MCU: variants seen among roughly 807,000 people sequenced by gnomAD.
MCU encodes mitochondrial calcium uniporter.
MCU carries 12 observed loss-of-function variants against 45.2 expected under a neutral mutation model. The ratio of observed to expected loss-of-function variants is 0.27; its 90% CI spans 0.17 to 0.43. The LOEUF is 0.43. MCU is among the 20% of genes least tolerant of loss of function. The pLI is 1.00. For synonymous variants in MCU, 160 were observed against 165.1 expected, an observed-to-expected ratio of 0.97 and a Z score of 0.24; for missense variants, 324 against 436.7, an observed-to-expected ratio of 0.74 and a Z score of 2.30.
At chr10:72,820,906 G>C (rs1435997141) in intron 1 of MCU, among the ~76,000 whole-genome samples, 1 of 150,684 alleles carries the variant, frequency 6.6e-6, no homozygotes, top group Non-Finnish European at 1.5e-5. Flanking sequence ...TTCCGTTTCT[G>C]TTGTTGGTTT....
intron 1 of MCU, among the ~76,000 whole-genome samples, chr10:72,699,294 C>T (rs917886786): frequency 2.0e-5 from 3 of 152,078 alleles, no homozygotes; most frequent in Admixed American, 6.5e-5. Flanking sequence ...ATCATGAGGT[C>T]AGGAGTTCGA....
intron 2 of MCU, among the ~76,000 whole-genome samples, chr10:72,845,323 T>C (rs1308428735): frequency 1.3e-5 from 2 of 152,146 alleles, no homozygotes; most frequent in African/African-American, 4.8e-5. Flanking sequence ...CATCAGAAAC[T>C]AAAAACATTG....
At chr10:72,726,021 C>A (rs1039109208) in intron 1 of MCU, among the ~76,000 whole-genome samples, 5 of 152,004 alleles carry the variant, frequency 3.3e-5, no homozygotes, top group African/African-American at 9.7e-5. Flanking sequence ...GTATATATAT[C>A]CTTCCATATT....
intron 1 of MCU, among the ~76,000 whole-genome samples, chr10:72,711,966 C>T (rs1469132519): frequency 6.6e-6 from 1 of 151,356 alleles, no homozygotes; most frequent in African/African-American, 2.4e-5. Flanking sequence ...CCTGCCTTGG[C>T]CCCCCAAAGT....
At chr10:72,779,273 A>G (rs1843951438) in intron 1 of MCU, among the ~76,000 whole-genome samples, 1 of 152,126 alleles carries the variant, frequency 6.6e-6, no homozygotes, top group African/African-American at 2.4e-5. Flanking sequence ...TGGCCTCAGA[A>G]GTATATTTTC....
At chr10:72,812,215 C>T (rs1384846758) in intron 1 of MCU, among the ~76,000 whole-genome samples, 3 of 150,866 alleles carry the variant, frequency 2.0e-5, no homozygotes, top group African/African-American at 4.9e-5. Flanking sequence ...GGTGTGATCT[C>T]GGCTCACTGC....
intron 1 of MCU, among the ~76,000 whole-genome samples, chr10:72,757,701 C>A (rs188147132): frequency 5.8e-4 from 88 of 152,048 alleles, no homozygotes; most frequent in Non-Finnish European, 1.0e-3. Flanking sequence ...AGTGTTTTTC[C>A]CCAACTAAAT....
At chr10:72,818,318 C>G (rs1844656429) in intron 1 of MCU, among the ~76,000 whole-genome samples, 1 of 152,170 alleles carries the variant, frequency 6.6e-6, no homozygotes, top group Middle Eastern at 3.2e-3. Context: ...CAGTGTTTTG[C>G]TAACTCACAT....
At chr10:72,776,075 G>A (rs946360351) in intron 1 of MCU, among the ~76,000 whole-genome samples, 1 of 152,016 alleles carries the variant, frequency 6.6e-6, no homozygotes, top group Admixed American at 6.6e-5. Context: ...GGCTAAGGTG[G>A]GAGGATTGCT....
chr10:72,777,750 T>G (rs1243852190), intron 1 of MCU, among the ~76,000 whole-genome samples: 1 of 152,144 alleles, frequency 6.6e-6, no homozygotes, highest in Non-Finnish European at 1.5e-5. Flanking sequence ...GTCAACCTAG[T>G]AAGGAGACAA....
At chr10:72,807,227 A>G (rs538269126) in intron 1 of MCU, among the ~76,000 whole-genome samples, 1 of 152,342 alleles carries the variant, frequency 6.6e-6, no homozygotes, top group African/African-American at 2.4e-5. Flanking sequence ...GAAGGGGGAA[A>G]GAAGATGCAT....
Position 72,735,116 on chromosome 10 carries a change from A to ATT in MCU, c.150+42826_150+42827dup, listed in dbSNP as rs11443574. On this transcript the variant is annotated intron_variant, in intron 1 of 7. Transcript: ENST00000373053. ...CGTCTGTGTTGTATCATGTATCAGA[A>ATT]TTTTTTTTTTTTGATAGCTGAGTAG... 1.9e-3 allele frequency among the ~76,000 whole-genome samples: 280 copies of ATT among 146,512 alleles called. 2 individuals carry two copies. Among genetic ancestry groups the ATT allele is most frequent in the Middle Eastern group, 3.5e-3 (1 of 286 alleles).
At position 72,886,075 on chromosome 10, in the gene MCU, C is replaced by T. The variant is rs1323069530; in HGVS notation, c.*253C>T. On this transcript the variant is annotated 3_prime_UTR_variant, in exon 8 of 8. Coordinates refer to ENST00000373053, the MANE Select transcript of MCU (RefSeq NM_138357.3). ...TCTCAGTTTCTGGATGAAAATGATG[C>T]AGTTATATAGTTGAGAGATTCATAA... 1 of 405,706 alleles carries T rather than the reference C, an allele frequency of 2.5e-6. No homozygotes were observed. Among genetic ancestry groups the T allele is most frequent in the African/African-American group, 2.0e-5 (1 of 48,802 alleles). The allele number at this position is 405,706 out of a possible 1,614,324, so 25.1% of individuals were successfully genotyped here. A position where few individuals can be genotyped will look rare whatever the true frequency, so the allele number is the denominator to read the frequency against.
chr10:72,730,880 C>A (rs1327384854), intron 1 of MCU: 1 of 152,208 alleles, frequency 6.6e-6, no homozygotes, highest in Non-Finnish European at 1.5e-5. Context: ...TGTGCAGCAA[C>A]AGTATGGTTT....
At chr10:72,730,996 C>T (rs1843165455) in intron 1 of MCU, 1 of 152,214 alleles carries the variant, frequency 6.6e-6, no homozygotes, top group Admixed American at 6.5e-5. Flanking sequence ...CCATGTTGTC[C>T]AGGCTAGTCT....
rs144485214 is a variant in MCU at position 72,797,306 on chromosome 10, C to G, written c.151-37053C>G. ...TGGTGTGATTTTGGCTCACTGCAAC[C>G]TCCATCTCCTGGGTTCAAGCGATTC... On this transcript the variant is annotated intron_variant, in intron 1 of 7. Coordinates refer to ENST00000373053, the MANE Select transcript of MCU (RefSeq NM_138357.3). 3.0e-3 allele frequency among the ~76,000 whole-genome samples: 452 copies of G among 151,674 alleles called. 3 individuals are homozygous for G. The highest frequency in any genetic ancestry group is 0.01 in the African/African-American group (430 of 41,312).
At chr10:72,844,168 CCT>C (rs1184892227) in intron 2 of MCU, among the ~76,000 whole-genome samples, 2 of 152,132 alleles carry the variant, frequency 1.3e-5, no homozygotes, top group African/African-American at 4.8e-5. Flanking sequence ...GGGCAGATCA[CCT>C]TAGGTCAGGA....
At chr10:72,734,121 C>A (rs1050286059) in intron 1 of MCU, among the ~76,000 whole-genome samples, 7 of 152,000 alleles carry the variant, frequency 4.6e-5, no homozygotes, top group African/African-American at 1.7e-4. Context: ...TTGCTCACAC[C>A]TGTAATTCTA....
At chr10:72,867,746 T>C (rs1016418960) in intron 4 of MCU, among the ~76,000 whole-genome samples, 4 of 151,672 alleles carry the variant, frequency 2.6e-5, no homozygotes, top group African/African-American at 9.7e-5. Context: ...TCCCAGCTAC[T>C]TGGGAGGCTG....
Sources: gnomAD v4.1 joint callset for allele counts (sites outside exome capture counted in the v4.1 genomes callset) on GRCh38, gnomAD v4.1.1 for gene constraint, MANE v1.5 for transcripts, NCBI Gene and HGNC (gene_info 2026-07-23, HGNC 2026-07-21) for gene names.